NXPH2: variants seen among roughly 807,000 people sequenced by gnomAD.
NXPH2 encodes the protein neurexophilin 2.
NXPH2 carries 5 observed loss-of-function variants against 19.8 expected under a neutral mutation model. That is an observed-to-expected ratio of 0.25 (90% confidence interval 0.13 to 0.53). The LOEUF (loss-of-function observed/expected upper bound fraction) is 0.53, where lower values mean the gene tolerates loss of function less well. Among genes scored for constraint, NXPH2 ranks in the 20% least tolerant of loss-of-function variants. The pLI is 0.96. For missense variants in NXPH2, 289 were observed against 322.8 expected, an observed-to-expected ratio of 0.90 and a Z score of 0.80; for synonymous variants, 154 against 127.4, an observed-to-expected ratio of 1.21 and a Z score of -1.41.
Position 138,775,024 on chromosome 2 carries a change from C to A in NXPH2, c.51+5167G>T, listed in dbSNP as rs536829346. Among the ~76,000 whole-genome samples, 5 of 152,262 alleles carry A rather than the reference C, an allele frequency of 3.3e-5. No homozygotes were observed. In the East Asian group the frequency reaches 9.6e-4, roughly 29 times the overall value. On this transcript the variant is annotated intron_variant, in intron 1 of 1. Transcript: ENST00000272641. ...TTTAAGTTTATAAAATGTCTCATTT[C>A]TCTTACCATTTAAGAAAGGAAAAAT... is the stretch of plus-strand genomic sequence containing the variant.
chr2:138,711,197 A>G (rs1043889614), intron 1 of NXPH2, among the ~76,000 whole-genome samples: 1 of 119,408 alleles, frequency 8.4e-6, no homozygotes, highest in African/African-American at 3.2e-5. Flanking sequence ...CTGGAGTGCA[A>G]TGGCGCCATC....
intron 1 of NXPH2, among the ~76,000 whole-genome samples, chr2:138,728,569 G>T (rs1681396836): frequency 6.6e-6 from 1 of 152,058 alleles, no homozygotes; most frequent in South Asian, 2.1e-4. Flanking sequence ...TTAATAAAAG[G>T]GTGCTTACTG....
chr2:138,769,974 A>T (rs1263122368), intron 1 of NXPH2, among the ~76,000 whole-genome samples: 7 of 152,212 alleles, frequency 4.6e-5, no homozygotes, highest in Admixed American at 3.9e-4. Flanking sequence ...GTTATAGTAT[A>T]TATAATTTTA....
chr2:138,728,932 A>G (rs1223876448), intron 1 of NXPH2, among the ~76,000 whole-genome samples: 5 of 152,232 alleles, frequency 3.3e-5, no homozygotes, highest in African/African-American at 1.2e-4. Context: ...CTCCTGGTAC[A>G]CTATGGCCTT....
intron 1 of NXPH2, among the ~76,000 whole-genome samples, chr2:138,778,398 A>T (rs1224601297): frequency 2.0e-5 from 3 of 152,202 alleles, no homozygotes. Context: ...GCTCTTAAGG[A>T]GAGCATATAA....
chr2:138,726,374 T>G (rs1391496476), intron 1 of NXPH2, among the ~76,000 whole-genome samples: 1 of 152,194 alleles, frequency 6.6e-6, no homozygotes, highest in East Asian at 1.9e-4. Flanking sequence ...AATATAATGT[T>G]GATTTATTTC....
chr2:138,706,046 T>C (rs987904285), intron 1 of NXPH2, among the ~76,000 whole-genome samples: 1 of 152,228 alleles, frequency 6.6e-6, no homozygotes, highest in African/African-American at 2.4e-5. Flanking sequence ...AAAACCAGGA[T>C]TTCTGCTCTG....
rs139902994 is a variant in NXPH2, at chr2:138,751,390, A to G, written c.51+28801T>C. ...AAATTTGGAATGTATTCCAAAATACATGAACTACATTATAACATCATCTCA... is the reference window on the plus strand; with the variant it reads ...AAATTTGGAATGTATTCCAAAATACGTGAACTACATTATAACATCATCTCA... On this transcript the variant is annotated intron_variant, in intron 1 of 1. Coordinates refer to ENST00000272641, the MANE Select transcript of NXPH2 (RefSeq NM_007226.3). 6.4e-3 allele frequency among the ~76,000 whole-genome samples: 968 copies of G among 152,316 alleles called. 7 individuals are homozygous for G. Among genetic ancestry groups the G allele is most frequent in the Non-Finnish European group, 8.6e-3 (586 of 68,016 alleles).
Position 138,669,834 on chromosome 2 carries a change from A to T in NXPH2, c.*1088T>A, listed in dbSNP as rs1275678089. Among the ~76,000 whole-genome samples, 1 of 152,248 alleles carries T rather than the reference A, an allele frequency of 6.6e-6. No homozygotes were observed. Among genetic ancestry groups the T allele is most frequent in the African/African-American group, 2.4e-5 (1 of 41,472 alleles). On this transcript the variant is annotated 3_prime_UTR_variant, in exon 2 of 2. Transcript: ENST00000272641. Reference sequence around the variant, plus strand: ...ATTTCAAAAGTCTGGTAAGCCAGGTATCTTGGTTGTCAGCACTTAATAATT... The same window carrying T: ...ATTTCAAAAGTCTGGTAAGCCAGGTTTCTTGGTTGTCAGCACTTAATAATT...
intron 1 of NXPH2, among the ~76,000 whole-genome samples, chr2:138,683,335 A>G (rs1243243422): frequency 3.3e-5 from 5 of 152,224 alleles, no homozygotes; most frequent in African/African-American, 1.2e-4. Flanking sequence ...TGGGAGAGAC[A>G]ACATGAATCT....
chr2:138,689,986 A>C (rs1680723996), intron 1 of NXPH2, among the ~76,000 whole-genome samples: 1 of 152,214 alleles, frequency 6.6e-6, no homozygotes. Context: ...GTCAGAAAGT[A>C]AAGTTATCCA....
intron 1 of NXPH2, among the ~76,000 whole-genome samples, chr2:138,716,055 C>T (rs968945453): frequency 6.6e-6 from 1 of 152,124 alleles, no homozygotes; most frequent in African/African-American, 2.4e-5. Context: ...TCTTTGGAAG[C>T]TTCTTTGGGA....
intron 1 of NXPH2, among the ~76,000 whole-genome samples, chr2:138,759,318 C>T (rs1681965048): frequency 6.6e-6 from 1 of 152,090 alleles, no homozygotes; most frequent in South Asian, 2.1e-4. Flanking sequence ...ATGAAGCAAG[C>T]AGGCTAGTGG....
At chr2:138,676,471 C>T (rs181043364) in intron 1 of NXPH2, among the ~76,000 whole-genome samples, 28 of 152,260 alleles carry the variant, frequency 1.8e-4, no homozygotes, top group Non-Finnish European at 2.6e-4. Flanking sequence ...CCCTTCCCAC[C>T]TCCCCACTGC....
At chr2:138,726,735 C>T (rs1681366704) in intron 1 of NXPH2, among the ~76,000 whole-genome samples, 2 of 152,286 alleles carry the variant, frequency 1.3e-5, no homozygotes, top group African/African-American at 4.8e-5. Flanking sequence ...CATCCTGCAC[C>T]TCAGTGGTAC....
chr2:138,712,916 G>C (rs545937264), intron 1 of NXPH2, among the ~76,000 whole-genome samples: 1 of 152,344 alleles, frequency 6.6e-6, no homozygotes, highest in Admixed American at 6.5e-5. Flanking sequence ...GGCTGTATTA[G>C]TAAATACTTG....
At chr2:138,672,746 T>C (rs1029139366) in intron 1 of NXPH2, among the ~76,000 whole-genome samples, 3 of 152,238 alleles carry the variant, frequency 2.0e-5, no homozygotes, top group African/African-American at 7.2e-5. Flanking sequence ...GCTGTGTTTA[T>C]GTACTTTCTC....
intron 1 of NXPH2, among the ~76,000 whole-genome samples, chr2:138,776,198 G>A (rs188649657): frequency 3.9e-5 from 6 of 152,008 alleles, no homozygotes; most frequent in Non-Finnish European, 1.5e-5. Context: ...CATTTGATTG[G>A]CAAGAACTAC....
At chr2:138,755,558 C>T (rs1025899937) in intron 1 of NXPH2, among the ~76,000 whole-genome samples, 1 of 151,980 alleles carries the variant, frequency 6.6e-6, no homozygotes, top group South Asian at 2.1e-4. Flanking sequence ...TTAACCAATA[C>T]CATGGTGTAT....
Sources: allele counts gnomAD v4.1 joint callset (sites outside exome capture counted in the v4.1 genomes callset), GRCh38; gene constraint gnomAD v4.1.1; transcripts MANE v1.5; gene names NCBI Gene and HGNC (gene_info 2026-07-23, HGNC 2026-07-21).